The following COL19A1 variants were observed in gnomAD, a reference collection of about 807,000 sequenced individuals.
COL19A1 encodes collagen alpha-1(XIX) chain.
In COL19A1, 159 loss-of-function variants were observed where a neutral mutation model predicts 190.2. The ratio of observed to expected loss-of-function variants is 0.84; its 90% CI spans 0.73 to 0.95. The LOEUF is 0.95. COL19A1 is among the 40% of genes least tolerant of loss of function. The pLI is 0.00. For missense variants in COL19A1, 1,418 were observed against 1,431.9 expected, an observed-to-expected ratio of 0.99 and a Z score of 0.16; for synonymous variants, 509 against 458.9, an observed-to-expected ratio of 1.11 and a Z score of -1.39.
chr6:70,104,545 A>G (rs1435492046), intron 16 of COL19A1, among the ~76,000 whole-genome samples: 3 of 152,174 alleles, frequency 2.0e-5, no homozygotes, highest in Non-Finnish European at 4.4e-5. Flanking sequence ...ACTGAAGACT[A>G]CAATTTAACA....
chr6:70,173,652 A>G (rs987542039), intron 41 of COL19A1, among the ~76,000 whole-genome samples: 2 of 152,180 alleles, frequency 1.3e-5, no homozygotes, highest in African/African-American at 2.4e-5. Context: ...TTATTTCACT[A>G]TATGGTAGGA....
At chr6:70,101,135 A>G (rs1312117242) in intron 15 of COL19A1, among the ~76,000 whole-genome samples, 1 of 152,168 alleles carries the variant, frequency 6.6e-6, no homozygotes, top group East Asian at 1.9e-4. Flanking sequence ...TGAAAAGATC[A>G]ACCTAATATC....
intron 15 of COL19A1, among the ~76,000 whole-genome samples, chr6:70,071,089 A>T (rs1242973990): frequency 6.6e-6 from 1 of 152,112 alleles, no homozygotes; most frequent in Admixed American, 6.6e-5. Flanking sequence ...GTTGGTTTTC[A>T]TCAATGATTA....
rs926753379 is a variant in COL19A1 at position 69,959,902 on chromosome 6, C to A, written c.937-94C>A. On this transcript the variant is annotated intron_variant, in intron 9 of 50. Coordinates refer to ENST00000620364, the MANE Select transcript of COL19A1 (RefSeq NM_001858.6). ...ATATTCAGTATTAGGCTACCTTTCCCCACAACACTAGAGCTATTTGTTAAA... is the reference window on the plus strand; with the variant it reads ...ATATTCAGTATTAGGCTACCTTTCCACACAACACTAGAGCTATTTGTTAAA... 4.5e-6 allele frequency: 5 copies of A among 1,110,186 alleles called. No individual in the cohort carries two copies. In the Admixed American group the frequency reaches 1.1e-4, roughly 26 times the overall value. 68.8% of individuals were successfully genotyped at this position (1,110,186 alleles called of 1,614,324 possible). A position where few individuals can be genotyped will look rare whatever the true frequency, so the allele number is the denominator to read the frequency against.
intron 2 of COL19A1, among the ~76,000 whole-genome samples, chr6:69,881,986 C>T (rs150838862): frequency 6.6e-6 from 1 of 152,196 alleles, no homozygotes; most frequent in East Asian, 1.9e-4. Flanking sequence ...TGCAGACCTG[C>T]GCGTGTGGTC....
At chr6:70,066,124 A>G (rs943003793) in intron 14 of COL19A1, among the ~76,000 whole-genome samples, 3 of 152,192 alleles carry the variant, frequency 2.0e-5, no homozygotes, top group Admixed American at 6.5e-5. Flanking sequence ...AATATAATTC[A>G]TGCTGCTATA....
Position 70,068,457 on chromosome 6 carries a change from C to G in COL19A1, c.1205C>G (p.Pro402Arg), listed in dbSNP as rs562804000. ...SLGIQGPQGP[P>R]GKEGQRGRRG... The stretch of plus-strand genomic sequence containing the variant: ...GGGATACAAGGCCCCCAAGGTCCAC[C>G]TGGAAAAGAGGGTCAGAGGGTAAGT... Residue 402 changes from proline to arginine, a missense_variant, in exon 15 of 51, where the codon CCT becomes CGT. Physicochemically the swap from Pro to Arg is moderately radical, Grantham distance 103. Transcript: ENST00000620364. 24 of 1,600,576 alleles carry G rather than the reference C, an allele frequency of 1.5e-5. No individual in the cohort carries two copies. The East Asian group carries it at 4.7e-4, about 31-fold the overall frequency.
intron 11 of COL19A1, among the ~76,000 whole-genome samples, chr6:70,022,201 A>T (rs1318653298): frequency 6.6e-6 from 1 of 152,202 alleles, no homozygotes; most frequent in African/African-American, 2.4e-5. Flanking sequence ...TATAAAGAAG[A>T]GAATAAGGCA....
In COL19A1 at chr6:69,927,970, A is replaced by C. The variant is rs1243557123; in HGVS notation, c.328A>C (p.Arg110=). 4 of 1,613,488 alleles carry C rather than the reference A, an allele frequency of 2.5e-6. No homozygotes were observed. The highest frequency in any genetic ancestry group is 3.4e-6 in the Non-Finnish European group (4 of 1,179,568). The change falls in exon 5 of 51, where the codon AGA becomes CGA. Residue 110 remains arginine, a synonymous_variant. Transcript: ENST00000620364. The part of the protein sequence containing the change: ...YSVAAMFRVR[R]NAKKERWFLW... ...AGTAGCTGCCATGTTTCGAGTACGA[A>C]GAAACGCCAAAAAGGAACGGTGGTT...
intron 14 of COL19A1, among the ~76,000 whole-genome samples, chr6:70,042,412 T>C (rs1207792141): frequency 6.6e-6 from 1 of 152,234 alleles, no homozygotes; most frequent in Non-Finnish European, 1.5e-5. Context: ...GTGCAATTTA[T>C]ATTATGCAAA....
At chr6:70,141,124 G>A in intron 20 of COL19A1, 135 bp downstream of exon 20, 1 of 750,258 alleles carries the variant, frequency 1.3e-6, no homozygotes, top group Non-Finnish European at 2.1e-6. Flanking sequence ...TTTTTCCTCT[G>A]TGATTTTTAA....
intron 2 of COL19A1, among the ~76,000 whole-genome samples, chr6:69,896,429 C>G (rs1424091215): frequency 6.6e-6 from 1 of 150,808 alleles, no homozygotes; most frequent in Non-Finnish European, 1.5e-5. Context: ...CCCAGCTACT[C>G]TGGAGGCTGA....
intron 42 of COL19A1, among the ~76,000 whole-genome samples, chr6:70,177,596 A>G (rs570874801): frequency 9.2e-5 from 14 of 152,238 alleles, no homozygotes; most frequent in Non-Finnish European, 2.1e-4. Context: ...GCATGAAAAT[A>G]TCTTCTTTGG....
rs746623218 is a variant in COL19A1, at chr6:69,960,000, A to G, written c.941A>G (p.Glu314Gly). Residue 314 changes from glutamate (E) to glycine (G), a missense_variant, in exon 10 of 51, where the codon GAA (glutamate) becomes GGA (glycine). By Grantham distance (98) the Glu-to-Gly change is moderately conservative (BLOSUM62 -2). Transcript: ENST00000620364. ...GQKGHKGEPG[E>G]NGLHGAPGFP... ...TATTCTGTGTACTTCTTTTAGGGTGAAAATGGTTTACATGGTGCTCCAGGA... is the reference window on the plus strand; with the variant it reads ...TATTCTGTGTACTTCTTTTAGGGTGGAAATGGTTTACATGGTGCTCCAGGA... The G allele has an allele frequency of 6.2e-7, 1 of 1,613,338 alleles. No individual in the cohort carries two copies. Among genetic ancestry groups the G allele is most frequent in the South Asian group, 1.1e-5 (1 of 90,896 alleles).
At chr6:69,930,650 C>G (rs1029795520) in intron 6 of COL19A1, among the ~76,000 whole-genome samples, 5 of 152,010 alleles carry the variant, frequency 3.3e-5, no homozygotes, top group Non-Finnish European at 7.4e-5. Flanking sequence ...AACCCTGTCT[C>G]TACTAAAAAT....
chr6:69,971,963 G>T (rs1775452941), intron 11 of COL19A1, among the ~76,000 whole-genome samples: 1 of 152,026 alleles, frequency 6.6e-6, no homozygotes, highest in Admixed American at 6.6e-5. Flanking sequence ...TTCCCATTAG[G>T]TTAAAATCCT....
chr6:70,058,319 C>T (rs1446275742), intron 14 of COL19A1, among the ~76,000 whole-genome samples: 8 of 152,070 alleles, frequency 5.3e-5, no homozygotes, highest in African/African-American at 1.9e-4. Flanking sequence ...CTATGTGTAA[C>T]CTCTAATTTT....
chr6:70,121,246 C>A (rs2150211221), intron 16 of COL19A1, among the ~76,000 whole-genome samples: 1 of 152,232 alleles, frequency 6.6e-6, no homozygotes, highest in South Asian at 2.1e-4. Flanking sequence ...TTCCTAGAAG[C>A]TTTAGGGACA....
In COL19A1 at chr6:70,184,583, T is replaced by C. The variant is rs926709422; in HGVS notation, c.2776-120T>C. ...TTATTTGTTTTCCATTTTACCACCT[T>C]TCTTTACCAAGCTCTCAGTAGAAAT... On this transcript the variant is annotated intron_variant, in intron 44 of 50. Coordinates refer to ENST00000620364, the MANE Select transcript of COL19A1 (RefSeq NM_001858.6). 2.2e-5 allele frequency: 18 copies of C among 804,404 alleles called. No individual in the cohort carries two copies. In the African/African-American group the frequency reaches 2.9e-4, roughly 13 times the overall value. 49.8% of individuals were successfully genotyped at this position (804,404 alleles called of 1,614,324 possible). A position where few individuals can be genotyped will look rare whatever the true frequency, so the allele number is the denominator to read the frequency against.
Sources: gnomAD v4.1 joint callset for allele counts (sites outside exome capture counted in the v4.1 genomes callset) on GRCh38, gnomAD v4.1.1 for gene constraint, MANE v1.5 for transcripts, NCBI Gene and HGNC (gene_info 2026-07-23, HGNC 2026-07-21) for gene names.